Variants in FAM171B observed in about 807,000 individuals in gnomAD.
FAM171B encodes the protein family with sequence similarity 171 member B.
A neutral mutation model predicts 75.6 loss-of-function variants in FAM171B; 19 were observed. The ratio of observed to expected loss-of-function variants is 0.25; its 90% CI spans 0.18 to 0.37. The LOEUF is 0.37. FAM171B is among the 10% of genes least tolerant of loss of function. The probability of loss-of-function intolerance (pLI) is 1.00; values close to 1 mark genes in which losing one functional copy is unlikely to be tolerated. For synonymous variants in FAM171B, 367 were observed against 361.7 expected (o/e 1.01, Z -0.17); for missense variants, 848 against 982.4 (o/e 0.86, Z 1.83).
At chr2:186,741,934 T>C (rs190612118) in intron 2 of FAM171B, among the ~76,000 whole-genome samples, 68 of 152,246 alleles carry the variant, frequency 4.5e-4, no homozygotes, top group African/African-American at 1.4e-3. Context: ...TCTATTGGAT[T>C]AATGCAGTAA....
At chr2:186,747,869 A>G (rs1163834149) in intron 4 of FAM171B, among the ~76,000 whole-genome samples, 1 of 152,212 alleles carries the variant, frequency 6.6e-6, no homozygotes, top group Non-Finnish European at 1.5e-5. Flanking sequence ...AAATACATTC[A>G]TAAATAAACC....
chr2:186,727,864 A>G (rs1248020002), intron 1 of FAM171B, among the ~76,000 whole-genome samples: 2 of 152,134 alleles, frequency 1.3e-5, no homozygotes, highest in Admixed American at 1.3e-4. Flanking sequence ...ATATGTAGTT[A>G]TATGTATCTA....
chr2:186,758,114 G>T (rs1164783684), intron 6 of FAM171B, among the ~76,000 whole-genome samples: 1 of 144,596 alleles, frequency 6.9e-6, no homozygotes, highest in Non-Finnish European at 1.5e-5. Context: ...CAATAGTGTG[G>T]TATAGCGAAA....
intron 5 of FAM171B, among the ~76,000 whole-genome samples, chr2:186,753,394 C>T (rs1359739574): frequency 1.3e-5 from 2 of 151,900 alleles, no homozygotes; most frequent in Non-Finnish European, 2.9e-5. Context: ...ATTAGTATGC[C>T]AAAAACATGT....
chr2:186,763,638 G>T lies in FAM171B; in HGVS notation c.*815G>T, dbSNP rs1194353629. 6.6e-6 allele frequency: 1 copy of T among 151,750 alleles called. No individual in the cohort carries two copies. The highest frequency in any genetic ancestry group is 1.5e-5 in the Non-Finnish European group (1 of 67,916). The allele number at this position is 151,750 out of a possible 1,614,324, so 9.4% of individuals were successfully genotyped here. The stretch of plus-strand genomic sequence containing the variant: ...AAACAATCTATGACTTTGGTTTAAG[G>T]CTCACTGATACTTTTAGGCTAAATT... On this transcript the variant is annotated 3_prime_UTR_variant, in exon 8 of 8. Transcript: ENST00000304698.
chr2:186,696,294 G>C (rs1689577070), intron 1 of FAM171B, among the ~76,000 whole-genome samples: 1 of 151,672 alleles, frequency 6.6e-6, no homozygotes, highest in Non-Finnish European at 1.5e-5. Context: ...ATTGATTGCT[G>C]TTTTAGTTAT....
chr2:186,701,691 A>G (rs763057547), intron 1 of FAM171B, among the ~76,000 whole-genome samples: 4 of 152,242 alleles, frequency 2.6e-5, no homozygotes, highest in Non-Finnish European at 5.9e-5. Context: ...TTAATAACCA[A>G]AAGGAGTTAT....
intron 1 of FAM171B, among the ~76,000 whole-genome samples, chr2:186,699,521 G>C (rs1013093374): frequency 6.6e-6 from 1 of 152,080 alleles, no homozygotes; most frequent in Admixed American, 6.5e-5. Flanking sequence ...ATATATTCTG[G>C]TTATTAATCC....
At chr2:186,761,435 G>C in intron 7 of FAM171B, 44 bp from the exon 8 acceptor site, 2 of 1,521,448 alleles carry the variant, frequency 1.3e-6, no homozygotes, top group Non-Finnish European at 1.8e-6. Context: ...TGAACCATTT[G>C]TGTCATAACT....
chr2:186,761,589 A>T lies in FAM171B; in HGVS notation c.1247A>T (p.Lys416Ile). The T allele has an allele frequency of 1.2e-6, 2 of 1,613,408 alleles. No homozygotes were observed. The highest frequency in any genetic ancestry group is 1.7e-6 in the Non-Finnish European group (2 of 1,179,642). Residue 416 changes from lysine to isoleucine, a missense_variant, in exon 8 of 8, where the codon AAA becomes ATA. Physicochemically the swap from Lys to Ile is moderately radical, Grantham distance 102 (BLOSUM62 -3). This residue lies in a region of FAM171B where 665 missense variants were observed against 729.0 expected (regional missense o/e 0.91). Transcript: ENST00000304698. ...TTHINHISTV[K>I]VALKAEDKSQ... Reference sequence around the variant, plus strand: ...CACATAAATCATATCAGTACAGTTAAAGTTGCATTAAAAGCTGAGGACAAG... The same window carrying T: ...CACATAAATCATATCAGTACAGTTATAGTTGCATTAAAAGCTGAGGACAAG...
chr2:186,747,108 A>G lies in FAM171B; in HGVS notation c.582A>G (p.Pro194=), dbSNP rs749599860. 6.3e-7 allele frequency: 1 copy of G among 1,593,470 alleles called. No homozygotes were observed. Among genetic ancestry groups the G allele is most frequent in the East Asian group, 2.3e-5 (1 of 44,000 alleles). The part of the protein sequence containing the change: ...TGKLADAKSQ[P]SVQFSKALIK... ...TTTTTCCAGATGCCAAGTCTCAACC[A>G]AGTGTTCAGTTTTCAAAAGCCTTAA... Residue 194 remains proline (P), a synonymous_variant, in exon 4 of 8, where the codon CCA becomes CCG. Coordinates refer to ENST00000304698, the MANE Select transcript of FAM171B (RefSeq NM_177454.4).
intron 1 of FAM171B, among the ~76,000 whole-genome samples, chr2:186,707,848 A>ATTTTTT (rs1689754031): frequency 6.6e-6 from 1 of 151,396 alleles, no homozygotes; most frequent in African/African-American, 2.4e-5. Flanking sequence ...TTTTAAAAAA[A>ATTTTTT]AAAAAAGGTT....
At chr2:186,749,512 G>A (rs1360260686) in intron 4 of FAM171B, among the ~76,000 whole-genome samples, 3 of 152,118 alleles carry the variant, frequency 2.0e-5, no homozygotes, top group Non-Finnish European at 2.9e-5. Flanking sequence ...AATATGTATG[G>A]CACTGCTTTG....
chr2:186,753,907 C>T, intron 5 of FAM171B, 26 bp from the exon 6 acceptor site: 2 of 1,554,892 alleles, frequency 1.3e-6, no homozygotes, highest in Non-Finnish European at 1.8e-6. Flanking sequence ...ATAACTGTAA[C>T]AAGTATTTTT....
intron 1 of FAM171B, among the ~76,000 whole-genome samples, chr2:186,695,914 G>A (rs1689571774): frequency 6.6e-6 from 1 of 152,162 alleles, no homozygotes; most frequent in African/African-American, 2.4e-5. Context: ...GTCTGGGAGA[G>A]TGTTGGTGGG....
In FAM171B at chr2:186,762,592, C is replaced by A. The variant is rs973218128; in HGVS notation, c.2250C>A (p.Thr750=). ...DLDLSSSESG[T]TVCSPEDPAL... ...ACCTAAGCAGCAGTGAGAGTGGAAC[C>A]ACCGTCTGTTCCCCTGAGGACCCAG... Residue 750 remains threonine, a synonymous_variant, in exon 8 of 8, where the codon ACC becomes ACA. Coordinates refer to ENST00000304698, the MANE Select transcript of FAM171B (RefSeq NM_177454.4). The surrounding 1 kb of genome is among the most constrained non-coding windows in gnomAD (Gnocchi z 4.0). 5.6e-6 allele frequency: 9 copies of A among 1,613,380 alleles called. No individual in the cohort carries two copies. Among genetic ancestry groups the A allele is most frequent in the Non-Finnish European group, 5.9e-6 (7 of 1,179,668 alleles).
chr2:186,723,321 A>C (rs1252087077), intron 1 of FAM171B, among the ~76,000 whole-genome samples: 1 of 152,244 alleles, frequency 6.6e-6, no homozygotes, highest in Non-Finnish European at 1.5e-5. Context: ...AGGATGAACA[A>C]TACTGTTAAA....
intron 1 of FAM171B, among the ~76,000 whole-genome samples, chr2:186,714,753 T>G (rs1352827358): frequency 6.6e-6 from 1 of 152,232 alleles, no homozygotes. Context: ...ACCCCTGGAC[T>G]TGTATTGAGT....
At chr2:186,713,320 T>A (rs920270660) in intron 1 of FAM171B, among the ~76,000 whole-genome samples, 3 of 152,250 alleles carry the variant, frequency 2.0e-5, no homozygotes, top group African/African-American at 7.2e-5. Context: ...ATGGCAACTG[T>A]AATTTAAAAT....
Sources: allele counts gnomAD v4.1 joint callset (sites outside exome capture counted in the v4.1 genomes callset), GRCh38; gene constraint gnomAD v4.1.1; regional missense constraint gnomAD v4.1.1; non-coding constraint Gnocchi (gnomAD v3.1); transcripts MANE v1.5; gene names NCBI Gene and HGNC (gene_info 2026-07-23, HGNC 2026-07-21).